The following EDARADD variants were observed in gnomAD, a reference collection of about 807,000 sequenced individuals.
EDARADD encodes the protein ectodysplasin-A receptor-associated adapter protein.
Under a neutral mutation model 25.6 loss-of-function variants are expected in EDARADD, and 20 were observed. The observed-to-expected ratio is 0.78, with a 90% CI of 0.55 to 1.14. The LOEUF (loss-of-function observed/expected upper bound fraction) is 1.14. Ranked by LOEUF, EDARADD falls within the 50% of genes most tolerant of loss-of-function variation. The probability of loss-of-function intolerance (pLI) is 0.00; values close to 1 mark genes in which losing one functional copy is unlikely to be tolerated. For missense variants in EDARADD, 225 were observed against 270.1 expected, an observed-to-expected ratio of 0.83 and a Z score of 1.17; for synonymous variants, 86 against 94.4, an observed-to-expected ratio of 0.91 and a Z score of 0.52.
intron 1 of EDARADD, among the ~76,000 whole-genome samples, chr1:236,405,921 CTTT>C (rs1667724509): frequency 3.9e-5 from 2 of 51,594 alleles, no homozygotes; most frequent in South Asian, 6.5e-4. Flanking sequence ...TTCTTTCTTT[CTTT>C]CTCTTTCCTT....
chr1:236,356,272 G>A (rs1374573047), intron 3 of EDARADD, among the ~76,000 whole-genome samples: 1 of 152,208 alleles, frequency 6.6e-6, no homozygotes, highest in Non-Finnish European at 1.5e-5. Flanking sequence ...AGGGGAGGAA[G>A]GGAGGAGATG....
At chr1:236,476,443 C>T (rs1030050899) in intron 5 of EDARADD, among the ~76,000 whole-genome samples, 12 of 151,948 alleles carry the variant, frequency 7.9e-5, no homozygotes, top group African/African-American at 2.9e-4. Flanking sequence ...CCCAGCACTT[C>T]GGGAGGCCGA....
At chr1:236,419,386 A>T (rs1268338086) in intron 3 of EDARADD, among the ~76,000 whole-genome samples, 1 of 152,176 alleles carries the variant, frequency 6.6e-6, no homozygotes, top group East Asian at 1.9e-4. Flanking sequence ...GGCAACAGTG[A>T]GCCCCCATCT....
rs529086828 is a variant in EDARADD at position 236,378,674 on chromosome 1, T to C, written c.-6+27835T>C. Among the ~76,000 whole-genome samples, 55 of 152,336 alleles carry C rather than the reference T, an allele frequency of 3.6e-4. No homozygotes were observed. The South Asian group carries it at 6.8e-3, about 19-fold the overall frequency. On this transcript the variant is annotated intron_variant, in intron 3 of 7. Transcript: ENST00000439430. ...TTTAAGTATTTGAGAGCAAAATAACTATTTTATTGTTGAATTGATATATTT... is the reference window on the plus strand; with the variant it reads ...TTTAAGTATTTGAGAGCAAAATAACCATTTTATTGTTGAATTGATATATTT...
intron 3 of EDARADD, among the ~76,000 whole-genome samples, chr1:236,355,718 C>T (rs546481419): frequency 3.5e-4 from 53 of 151,958 alleles, no homozygotes; most frequent in African/African-American, 1.2e-3. Flanking sequence ...CCATGTTGGC[C>T]AGGCTGGTCT....
rs150892421 is a variant in EDARADD, at chr1:236,450,924, A to G, written c.220-17307A>G. 9.7e-4 allele frequency among the ~76,000 whole-genome samples: 148 copies of G among 152,138 alleles called. 1 individual carries two copies. Among genetic ancestry groups the G allele is most frequent in the Middle Eastern group, 3.4e-3 (1 of 294 alleles). The stretch of plus-strand genomic sequence containing the variant: ...GCTCACTTTACACATCGAGATCCAG[A>G]GTGGTTAAATATTTGTTTAAGGTCA... On this transcript the variant is annotated intron_variant, in intron 4 of 5. Coordinates refer to ENST00000334232, the MANE Select transcript of EDARADD (RefSeq NM_145861.4).
Position 236,468,296 on chromosome 1 carries a change from G to A in EDARADD, c.265+20G>A, listed in dbSNP as rs897579878. 1.2e-6 allele frequency: 2 copies of A among 1,612,344 alleles called. No individual in the cohort carries two copies. The highest frequency in any genetic ancestry group is 2.7e-5 in the African/African-American group (2 of 74,866). On this transcript the variant is annotated intron_variant, in intron 5 of 5. Coordinates refer to ENST00000334232, the MANE Select transcript of EDARADD (RefSeq NM_145861.4). ...TTCCAGGTAAATGATTGATTCTAAA[G>A]CTATCTGGGCTAATAGCTAGTGTGG... is the stretch of plus-strand genomic sequence containing the variant.
intron 3 of EDARADD, among the ~76,000 whole-genome samples, chr1:236,360,865 T>A (rs565266555): frequency 6.6e-6 from 1 of 151,806 alleles, no homozygotes; most frequent in East Asian, 1.9e-4. Context: ...TTTTTTACAC[T>A]AGTGATGAAG....
chr1:236,474,123 T>A (rs1196697876), intron 5 of EDARADD, among the ~76,000 whole-genome samples: 1 of 152,056 alleles, frequency 6.6e-6, no homozygotes. Flanking sequence ...AGCACTGGGA[T>A]TCGAAGAGCA....
In EDARADD at chr1:236,366,741, C is replaced by CT. The variant is rs1553262434; in HGVS notation, c.-6+15910dup. 6.5e-3 allele frequency among the ~76,000 whole-genome samples: 931 copies of CT among 144,300 alleles called. 11 individuals are homozygous for CT. The highest frequency in any genetic ancestry group is 9.3e-3 in the Non-Finnish European group (611 of 65,750). The allele number at this position is 144,300 out of a possible 152,430, so 94.7% of individuals were successfully genotyped here. A position where few individuals can be genotyped will look rare whatever the true frequency, so the allele number is the denominator to read the frequency against. ...CCTGGGTCAGAGAGCTCATCTCTCT[C>CT]TTTTTTTTGTCTCTCAGGGATCATT... On this transcript the variant is annotated intron_variant, in intron 3 of 7. Transcript: ENST00000439430.
chr1:236,411,469 C>G (rs570116106), intron 2 of EDARADD, among the ~76,000 whole-genome samples: 1 of 152,130 alleles, frequency 6.6e-6, no homozygotes, highest in African/African-American at 2.4e-5. Context: ...ACCATCTTCT[C>G]CCAGGGTGTT....
At chr1:236,431,411 C>A (rs1658091001) in intron 4 of EDARADD, among the ~76,000 whole-genome samples, 1 of 152,150 alleles carries the variant, frequency 6.6e-6, no homozygotes, top group Non-Finnish European at 1.5e-5. Flanking sequence ...CAAGACCTGT[C>A]TCTTAAACAA....
At chr1:236,434,297 G>T (rs1571932622) in intron 4 of EDARADD, among the ~76,000 whole-genome samples, 2 of 152,168 alleles carry the variant, frequency 1.3e-5, no homozygotes, top group South Asian at 4.1e-4. Context: ...GAGTGCGGTG[G>T]TGTGATCTCA....
At chr1:236,393,240 T>A (rs2102999414), upstream of EDARADD, among the ~76,000 whole-genome samples, 1 of 152,264 alleles carries the variant, frequency 6.6e-6, no homozygotes, top group East Asian at 1.9e-4. Context: ...CCAAATGCAC[T>A]ATCTCCATTT....
intron 4 of EDARADD, among the ~76,000 whole-genome samples, chr1:236,427,920 A>G (rs1336942447): frequency 6.6e-6 from 1 of 151,730 alleles, no homozygotes; most frequent in Non-Finnish European, 1.5e-5. Context: ...TATGATTATA[A>G]AAGAATTCAT....
chr1:236,428,807 C>G (rs35225725), intron 4 of EDARADD, among the ~76,000 whole-genome samples: 64,066 of 149,128 alleles, frequency 0.43, 16,374 homozygotes, highest in Non-Finnish European at 0.58. Flanking sequence ...GAGGTTGTAG[C>G]GAGCGGAGAT....
intron 3 of EDARADD, among the ~76,000 whole-genome samples, chr1:236,423,712 C>A (rs546369573): frequency 2.0e-5 from 3 of 152,240 alleles, no homozygotes; most frequent in African/African-American, 7.2e-5. Flanking sequence ...TCTGTAATAG[C>A]AAAATATTTT....
intron 5 of EDARADD, among the ~76,000 whole-genome samples, chr1:236,477,444 C>G (rs1472358491): frequency 6.6e-6 from 1 of 152,108 alleles, no homozygotes; most frequent in Admixed American, 6.6e-5. Flanking sequence ...CCTATCTGTT[C>G]TCAGGATTTT....
intron 4 of EDARADD, among the ~76,000 whole-genome samples, chr1:236,437,221 C>T (rs1021471513): frequency 1.6e-4 from 25 of 152,234 alleles, no homozygotes; most frequent in East Asian, 3.9e-4. Flanking sequence ...GACACCTGAT[C>T]GACAGGTAAG....
Sources: allele counts gnomAD v4.1 joint callset (sites outside exome capture counted in the v4.1 genomes callset), GRCh38; gene constraint gnomAD v4.1.1; transcripts MANE v1.5; gene names NCBI Gene and HGNC (gene_info 2026-07-23, HGNC 2026-07-21).